The following SCAPER variants were observed in gnomAD, a reference collection of about 807,000 sequenced individuals.
The protein encoded by SCAPER is S phase cyclin A-associated protein in the endoplasmic reticulum.
Under a neutral mutation model 182.2 loss-of-function variants are expected in SCAPER, and 98 were observed. The observed-to-expected ratio is 0.54, with a 90% CI of 0.46 to 0.64. The LOEUF (loss-of-function observed/expected upper bound fraction) is 0.64, where lower values mean the gene tolerates loss of function less well. SCAPER is among the 30% of genes least tolerant of loss of function. The pLI, the probability that SCAPER is intolerant of heterozygous loss-of-function variation, is 0.00. For synonymous variants in SCAPER, 605 were observed against 564.6 expected, an observed-to-expected ratio of 1.07 and a Z score of -1.01; for missense variants, 1,432 against 1,690.0, an observed-to-expected ratio of 0.85 and a Z score of 2.68.
At chr15:76,498,697 A>G (rs2040836236) in intron 24 of SCAPER, 1 of 152,190 alleles carries the variant, frequency 6.6e-6, no homozygotes, top group Admixed American at 6.5e-5. Flanking sequence ...CTTGGCACCA[A>G]GCACACAATA....
chr15:76,588,393 G>T (rs2048846552), intron 22 of SCAPER, among the ~76,000 whole-genome samples: 1 of 152,098 alleles, frequency 6.6e-6, no homozygotes, highest in African/African-American at 2.4e-5. Context: ...AGTTTGCTTT[G>T]TCTGATATAA....
intron 25 of SCAPER, among the ~76,000 whole-genome samples, chr15:76,447,776 G>A (rs1367730061): frequency 6.6e-6 from 1 of 152,098 alleles, no homozygotes; most frequent in Non-Finnish European, 1.5e-5. Flanking sequence ...CTATGTCCTC[G>A]ACTCTGTGAT....
intron 24 of SCAPER, among the ~76,000 whole-genome samples, chr15:76,496,755 C>G (rs557012005): frequency 1.2e-4 from 19 of 152,170 alleles, no homozygotes; most frequent in African/African-American, 4.6e-4. Context: ...CTACTTTAAA[C>G]GGTGGGCATT....
At chr15:76,703,107 G>T in intron 18 of SCAPER, 105 bp from the exon 19 acceptor site, 1 of 1,254,338 alleles carries the variant, frequency 8.0e-7, no homozygotes, top group Non-Finnish European at 1.1e-6. Flanking sequence ...ATAGAATGTC[G>T]TTTCTATGAC....
At chr15:76,456,537 T>C (rs748833946) in intron 25 of SCAPER, among the ~76,000 whole-genome samples, 11 of 152,326 alleles carry the variant, frequency 7.2e-5, no homozygotes, top group South Asian at 6.2e-4. Flanking sequence ...ACATCCTCAG[T>C]ATGCTCAGAA....
chr15:76,723,216 A>T (rs546974361), intron 17 of SCAPER, among the ~76,000 whole-genome samples: 1 of 152,232 alleles, frequency 6.6e-6, no homozygotes, highest in South Asian at 2.1e-4. Flanking sequence ...CCGGTTGTTC[A>T]GTTTCCATGA....
rs2059039261 is a variant in SCAPER at position 76,702,917 on chromosome 15, T to C, written c.2333A>G (p.Asn778Ser). Residue 778 changes from asparagine (N) to serine (S), a missense_variant, in exon 19 of 32, where the codon AAT becomes AGT. Transcript: ENST00000563290. ...AAELSSGRHA[N>S]TDYAPKLTPY... Reference sequence around the variant, plus strand: ...GGTCAGTTTGGGGGCATAATCAGTATTTGCATGTCGCCCACTGCTTAGCTC... The same window carrying C: ...GGTCAGTTTGGGGGCATAATCAGTACTTGCATGTCGCCCACTGCTTAGCTC... 1 of 1,611,624 alleles carries C rather than the reference T, an allele frequency of 6.2e-7. No individual in the cohort carries two copies. The highest frequency in any genetic ancestry group is 1.3e-5 in the African/African-American group (1 of 74,772).
chr15:76,843,026 C>T (rs968782196), intron 4 of SCAPER, among the ~76,000 whole-genome samples: 16 of 152,180 alleles, frequency 1.1e-4, no homozygotes, highest in African/African-American at 3.9e-4. Flanking sequence ...TAGCAGCTTC[C>T]TGTGAATCCA....
At chr15:76,667,961 T>A (rs376200893) in intron 20 of SCAPER, among the ~76,000 whole-genome samples, 3 of 148,274 alleles carry the variant, frequency 2.0e-5, no homozygotes, top group Non-Finnish European at 3.0e-5. Context: ...AGACTGTCTT[T>A]AAAAAAAAAA....
intron 25 of SCAPER, among the ~76,000 whole-genome samples, chr15:76,444,781 T>C (rs2047878638): frequency 6.6e-6 from 1 of 152,208 alleles, no homozygotes; most frequent in Admixed American, 6.5e-5. Flanking sequence ...CATCAGTCCT[T>C]AGGTTCTGGT....
At chr15:76,643,144 A>G (rs2054238740) in intron 21 of SCAPER, among the ~76,000 whole-genome samples, 1 of 152,208 alleles carries the variant, frequency 6.6e-6, no homozygotes, top group South Asian at 2.1e-4. Flanking sequence ...CTCTAGGGTC[A>G]GGGTCACCAT....
chr15:76,664,646 A>C (rs1444477490), intron 21 of SCAPER, among the ~76,000 whole-genome samples: 1 of 152,144 alleles, frequency 6.6e-6, no homozygotes, highest in African/African-American at 2.4e-5. Context: ...AGGTTCAAAA[A>C]ACAGGCCCTT....
intron 23 of SCAPER, among the ~76,000 whole-genome samples, chr15:76,519,071 T>G (rs988448363): frequency 8.6e-5 from 13 of 151,930 alleles, no homozygotes; most frequent in South Asian, 4.2e-4. Context: ...CTCAGAAGAG[T>G]CGTTAAGCCT....
chr15:76,572,634 C>A (rs966562169), intron 23 of SCAPER, among the ~76,000 whole-genome samples: 6 of 152,268 alleles, frequency 3.9e-5, no homozygotes, highest in South Asian at 2.1e-4. Flanking sequence ...AGCAGTGATT[C>A]TCAAAATATG....
intron 22 of SCAPER, among the ~76,000 whole-genome samples, chr15:76,582,138 C>A (rs1371630529): frequency 6.6e-6 from 1 of 152,080 alleles, no homozygotes; most frequent in African/African-American, 2.4e-5. Context: ...AAATGAAGGG[C>A]ATCCAAATTG....
chr15:76,665,327 A>T (rs1282628866), intron 21 of SCAPER, among the ~76,000 whole-genome samples: 3 of 152,216 alleles, frequency 2.0e-5, no homozygotes, highest in African/African-American at 7.2e-5. Context: ...TTGATACTTC[A>T]TTTAAAAATC....
In SCAPER at chr15:76,381,371, T is replaced by G. The variant is rs766483683; in HGVS notation, c.3705+7A>C. ...GGTTAACATCGATATAAACCAATAC[T>G]TGGTACCTGAAAAGCAGGCAGATGA... is the stretch of plus-strand genomic sequence containing the variant. On this transcript the variant is annotated splice_region_variant and intron_variant, in intron 28 of 31. Coordinates refer to ENST00000563290, the MANE Select transcript of SCAPER (RefSeq NM_020843.4). 1.2e-6 allele frequency: 2 copies of G among 1,607,512 alleles called. No individual in the cohort carries two copies. The highest frequency in any genetic ancestry group is 4.5e-5 in the East Asian group (2 of 44,844).
intron 1 of SCAPER, among the ~76,000 whole-genome samples, chr15:76,897,057 C>T (rs932178761): frequency 6.6e-6 from 1 of 152,084 alleles, no homozygotes; most frequent in Non-Finnish European, 1.5e-5. Flanking sequence ...AATTCTTTAA[C>T]ATTTTTGAAT....
intron 8 of SCAPER, among the ~76,000 whole-genome samples, chr15:76,779,092 A>T (rs1193941468): frequency 1.3e-5 from 2 of 152,114 alleles, no homozygotes; most frequent in East Asian, 3.8e-4. Flanking sequence ...ATACCAAACA[A>T]ATGAAACTGA....
Sources: gnomAD v4.1 joint callset for allele counts (sites outside exome capture counted in the v4.1 genomes callset) on GRCh38, gnomAD v4.1.1 for gene constraint, MANE v1.5 for transcripts, NCBI Gene and HGNC (gene_info 2026-07-23, HGNC 2026-07-21) for gene names.